The following LRMDA variants were observed in gnomAD, a reference collection of about 807,000 sequenced individuals.
The protein encoded by LRMDA is leucine rich melanocyte differentiation associated.
LRMDA carries 18 observed loss-of-function variants against 29.8 expected under a neutral mutation model. The observed-to-expected ratio is 0.60, with a 90% CI of 0.42 to 0.90. The LOEUF (loss-of-function observed/expected upper bound fraction) is 0.90. Among genes scored for constraint, LRMDA ranks in the 40% least tolerant of loss-of-function variants. The pLI, the probability that LRMDA is intolerant of heterozygous loss-of-function variation, is 0.00. For synonymous variants in LRMDA, 125 were observed against 109.4 expected (o/e 1.14, Z -0.89); for missense variants, 273 against 273.9 (o/e 1.00, Z 0.02).
intron 2 of LRMDA, among the ~76,000 whole-genome samples, chr10:75,663,861 A>G (rs745555117): frequency 6.6e-6 from 1 of 152,178 alleles, no homozygotes; most frequent in African/African-American, 2.4e-5. Flanking sequence ...GATGGGTTCC[A>G]TGGCGAGGAC....
At chr10:75,851,004 G>GT (rs951796526) in intron 2 of LRMDA, among the ~76,000 whole-genome samples, 7 of 152,010 alleles carry the variant, frequency 4.6e-5, no homozygotes, top group Non-Finnish European at 7.4e-5. Flanking sequence ...AAAAAAAATT[G>GT]TTTTTTTAAC....
chr10:75,838,043 A>G (rs980819870), intron 2 of LRMDA, among the ~76,000 whole-genome samples: 2 of 152,246 alleles, frequency 1.3e-5, no homozygotes, highest in African/African-American at 4.8e-5. Flanking sequence ...TATAAAAACC[A>G]CAATGACTAA....
chr10:76,095,251 C>G (rs1035815410), intron 5 of LRMDA, among the ~76,000 whole-genome samples: 2 of 152,312 alleles, frequency 1.3e-5, no homozygotes, highest in African/African-American at 2.4e-5. Flanking sequence ...TGGACTCTGG[C>G]TTCTTTTACT....
chr10:75,473,434 G>A lies in LRMDA; in HGVS notation c.131+34940G>A, dbSNP rs191775005. ...AAATAAGTGTGTCTGGAGGTGATGCGTTTCCGAAGTTCAGTGATTTCTCTA... is the reference window on the plus strand; with the variant it reads ...AAATAAGTGTGTCTGGAGGTGATGCATTTCCGAAGTTCAGTGATTTCTCTA... On this transcript the variant is annotated intron_variant, in intron 2 of 6. Transcript: ENST00000611255. 5.9e-5 allele frequency among the ~76,000 whole-genome samples: 9 copies of A among 152,334 alleles called. No individual in the cohort carries two copies. The East Asian group carries it at 1.2e-3, about 20-fold the overall frequency.
At position 76,558,134 on chromosome 10, in the gene LRMDA, T is replaced by TTAA. The variant is rs1446845964; in HGVS notation, c.*848_*850dup. 7 of 152,254 alleles carry TTAA rather than the reference T, an allele frequency of 4.6e-5. No homozygotes were observed. Among genetic ancestry groups the TTAA allele is most frequent in the Middle Eastern group, 3.2e-3 (1 of 316 alleles). The allele number at this position is 152,254 out of a possible 1,614,324, so 9.4% of individuals were successfully genotyped here. A position where few individuals can be genotyped will look rare whatever the true frequency, so the allele number is the denominator to read the frequency against. ...TGGTTGCACCAGGGACTCTTATTTA[T>TTAA]TAATTTATTTTTAACCGTACACACT... On this transcript the variant is annotated 3_prime_UTR_variant, in exon 7 of 7. Coordinates refer to ENST00000611255, the MANE Select transcript of LRMDA (RefSeq NM_001305581.2).
intron 2 of LRMDA, among the ~76,000 whole-genome samples, chr10:75,988,093 C>T (rs893850466): frequency 2.6e-5 from 4 of 152,174 alleles, no homozygotes; most frequent in Non-Finnish European, 5.9e-5. Flanking sequence ...GCAGGAGGCA[C>T]GATAGCTCCT....
chr10:76,505,999 GC>G (rs370612097), intron 6 of LRMDA, among the ~76,000 whole-genome samples: 98 of 152,130 alleles, frequency 6.4e-4, no homozygotes, highest in African/African-American at 2.3e-3. Flanking sequence ...CTGGATTTTT[GC>G]CCCTTCTCTA....
intron 6 of LRMDA, among the ~76,000 whole-genome samples, chr10:76,388,885 C>G (rs1841690938): frequency 6.6e-6 from 1 of 152,170 alleles, no homozygotes; most frequent in Non-Finnish European, 1.5e-5. Context: ...AAGTAGCTTG[C>G]CTAAGGTCAC....
intron 2 of LRMDA, among the ~76,000 whole-genome samples, chr10:75,814,917 A>G (rs1482617299): frequency 3.3e-5 from 5 of 152,200 alleles, no homozygotes; most frequent in African/African-American, 1.2e-4. Flanking sequence ...TGAAACTCCT[A>G]AGTGCATCTT....
chr10:76,177,609 C>T (rs1850963773), intron 5 of LRMDA, among the ~76,000 whole-genome samples: 1 of 151,894 alleles, frequency 6.6e-6, no homozygotes, highest in African/African-American at 2.4e-5. Context: ...GAAAATGGCT[C>T]CTTTTTCTAA....
At chr10:76,337,272 T>C (rs1840981202) in intron 6 of LRMDA, among the ~76,000 whole-genome samples, 2 of 152,226 alleles carry the variant, frequency 1.3e-5, no homozygotes, top group South Asian at 4.1e-4. Context: ...AAAGAGCTTA[T>C]GTTCTAGTCA....
At chr10:75,871,845 T>C (rs1845116902) in intron 2 of LRMDA, among the ~76,000 whole-genome samples, 1 of 152,248 alleles carries the variant, frequency 6.6e-6, no homozygotes, top group African/African-American at 2.4e-5. Flanking sequence ...TCAAACCAGG[T>C]TCCTTAAGGG....
chr10:76,124,960 T>G (rs1049378553), intron 5 of LRMDA, among the ~76,000 whole-genome samples: 1 of 152,216 alleles, frequency 6.6e-6, no homozygotes, highest in African/African-American at 2.4e-5. Context: ...AGTAGAGAAA[T>G]GTGTGCTATA....
intron 5 of LRMDA, among the ~76,000 whole-genome samples, chr10:76,184,266 A>C (rs756485419): frequency 6.6e-6 from 1 of 152,102 alleles, no homozygotes; most frequent in South Asian, 2.1e-4. Flanking sequence ...CCTGACCTCA[A>C]GTGAGATGCC....
At chr10:75,837,069 C>CTGATATTGATATAGATAT in intron 2 of LRMDA, among the ~76,000 whole-genome samples, 1 of 152,126 alleles carries the variant, frequency 6.6e-6, no homozygotes, top group African/African-American at 2.4e-5. Context: ...TATTGATATA[C>CTGATATTGATATAGATAT]TGATATTGAT....
chr10:75,642,174 C>T (rs999600518), intron 2 of LRMDA, among the ~76,000 whole-genome samples: 13 of 152,078 alleles, frequency 8.5e-5, no homozygotes, highest in African/African-American at 2.4e-4. Flanking sequence ...GTGAGGCTCA[C>T]GTGGAAAGAT....
intron 2 of LRMDA, among the ~76,000 whole-genome samples, chr10:75,563,514 CCTT>C (rs752466784): frequency 3.3e-5 from 5 of 152,242 alleles, no homozygotes; most frequent in African/African-American, 1.2e-4. Flanking sequence ...TCTTCTGAAG[CCTT>C]CTTCTCTCAA....
intron 5 of LRMDA, among the ~76,000 whole-genome samples, chr10:76,121,781 T>C (rs1341147012): frequency 6.6e-6 from 1 of 152,216 alleles, no homozygotes; most frequent in Non-Finnish European, 1.5e-5. Context: ...GGAATCAATG[T>C]ATTTTATATC....
At chr10:76,043,750 C>T (rs1289945457) in intron 3 of LRMDA, among the ~76,000 whole-genome samples, 1 of 152,160 alleles carries the variant, frequency 6.6e-6, no homozygotes, top group Non-Finnish European at 1.5e-5. Context: ...TTCCTTCACT[C>T]GTCATTAAAT....
Sources: allele counts gnomAD v4.1 joint callset (sites outside exome capture counted in the v4.1 genomes callset), GRCh38; gene constraint gnomAD v4.1.1; transcripts MANE v1.5; gene names NCBI Gene and HGNC (gene_info 2026-07-23, HGNC 2026-07-21).